ARB2A: variants seen among roughly 807,000 people sequenced by gnomAD.
ARB2A encodes cotranscriptional regulator ARB2A.
the ARB2A span, among the ~76,000 whole-genome samples, chr5:93,844,274 T>C: frequency 6.6e-6 from 1 of 152,028 alleles, no homozygotes; most frequent in African/African-American, 2.4e-5. Context: ...TGAGATTTCA[T>C]CTGTACTAAC....
chr5:93,728,052 C>T, the ARB2A span, among the ~76,000 whole-genome samples: 4 of 151,968 alleles, frequency 2.6e-5, no homozygotes, highest in South Asian at 2.1e-4. Flanking sequence ...GAAGCAACAG[C>T]GGACTTAATA....
the ARB2A span, among the ~76,000 whole-genome samples, chr5:93,757,584 TCAAA>T: frequency 1.3e-5 from 2 of 152,182 alleles, no homozygotes; most frequent in Non-Finnish European, 2.9e-5. Context: ...TTCAGTCTCC[TCAAA>T]CAAAACAATT....
chr5:93,870,084 A>G, the ARB2A span, among the ~76,000 whole-genome samples: 1 of 152,264 alleles, frequency 6.6e-6, no homozygotes, highest in African/African-American at 2.4e-5. Flanking sequence ...TGTAGTTGCT[A>G]AAGCCTAAAA....
At chr5:93,926,467 C>A in the ARB2A span, among the ~76,000 whole-genome samples, 3 of 151,934 alleles carry the variant, frequency 2.0e-5, no homozygotes, top group Admixed American at 2.0e-4. Flanking sequence ...TTTTAATATG[C>A]CTTATACACT....
the ARB2A span, among the ~76,000 whole-genome samples, chr5:93,762,510 A>G: frequency 6.6e-6 from 1 of 152,220 alleles, no homozygotes; most frequent in African/African-American, 2.4e-5. Context: ...ACAAAAGAGT[A>G]AAAAGAAATG....
chr5:93,857,462 T>C, the ARB2A span, among the ~76,000 whole-genome samples: 107 of 152,260 alleles, frequency 7.0e-4, no homozygotes, highest in African/African-American at 2.5e-3. Flanking sequence ...CCGACTGTTT[T>C]GTTTACCTAA....
the ARB2A span, among the ~76,000 whole-genome samples, chr5:93,714,651 A>G: frequency 6.6e-6 from 1 of 152,218 alleles, no homozygotes; most frequent in Admixed American, 6.5e-5. Context: ...GGAGTGCATT[A>G]AGATTCTACC....
At chr5:93,843,198 T>C in the ARB2A span, among the ~76,000 whole-genome samples, 17 of 152,278 alleles carry the variant, frequency 1.1e-4, no homozygotes, top group African/African-American at 3.9e-4. Context: ...CCCAGATGCT[T>C]AGAGATTCCA....
chr5:93,827,356 G>A, the ARB2A span, among the ~76,000 whole-genome samples: 1 of 152,174 alleles, frequency 6.6e-6, no homozygotes, highest in East Asian at 1.9e-4. Context: ...GTGATGATGA[G>A]CATTTTTTCA....
the ARB2A span, among the ~76,000 whole-genome samples, chr5:93,960,512 T>A: frequency 6.6e-6 from 1 of 152,308 alleles, no homozygotes; most frequent in African/African-American, 2.4e-5. Context: ...CACAGAGTTC[T>A]CTCGTTTGTA....
the ARB2A span, among the ~76,000 whole-genome samples, chr5:94,051,316 C>A: frequency 6.6e-6 from 1 of 152,294 alleles, no homozygotes; most frequent in South Asian, 2.1e-4. Context: ...TGAAAACTAT[C>A]TGTGGGCTAG....
chr5:93,840,859 C>G, the ARB2A span, among the ~76,000 whole-genome samples: 1 of 152,158 alleles, frequency 6.6e-6, no homozygotes, highest in African/African-American at 2.4e-5. Flanking sequence ...GCTATACTAA[C>G]TATCCCTTTA....
chr5:93,717,089 C>CT, the ARB2A span, among the ~76,000 whole-genome samples: 2 of 151,984 alleles, frequency 1.3e-5, no homozygotes, highest in East Asian at 1.9e-4. Flanking sequence ...GTTTTGGAGA[C>CT]TTTTTTTCTA....
At chr5:93,632,944 G>A in the ARB2A span, among the ~76,000 whole-genome samples, 4 of 152,186 alleles carry the variant, frequency 2.6e-5, no homozygotes, top group Non-Finnish European at 5.9e-5. Flanking sequence ...CCTTAGGACC[G>A]TTGTGTGTGG....
chr5:93,639,564 T>C, the ARB2A span, among the ~76,000 whole-genome samples: 4 of 152,138 alleles, frequency 2.6e-5, no homozygotes, highest in Non-Finnish European at 4.4e-5. Flanking sequence ...GAAAAATGCA[T>C]TGATTTAAAA....
chr5:93,705,643 GTGTGTGTGTA>G, the ARB2A span, among the ~76,000 whole-genome samples: 4 of 146,250 alleles, frequency 2.7e-5, no homozygotes, highest in Admixed American at 6.8e-5. Flanking sequence ...GTGTGTGTGT[GTGTGTGTGTA>G]TATATATATA....
At chr5:93,645,944 A>ATACTAAAT in the ARB2A span, among the ~76,000 whole-genome samples, 1 of 152,216 alleles carries the variant, frequency 6.6e-6, no homozygotes, top group Admixed American at 6.5e-5. Context: ...TTTCATTAAA[A>ATACTAAAT]GTCAGTTTTA....
chr5:93,643,202 T>A, the ARB2A span, among the ~76,000 whole-genome samples: 18 of 152,350 alleles, frequency 1.2e-4, no homozygotes, highest in South Asian at 2.9e-3. Flanking sequence ...TTTCTGCTAT[T>A]TCCGGATACA....
chr5:93,950,899 A>T, the ARB2A span, among the ~76,000 whole-genome samples: 3 of 150,338 alleles, frequency 2.0e-5, no homozygotes, highest in African/African-American at 7.3e-5. Context: ...AGATTAAATC[A>T]TTCCACAGCA....
Sources: gnomAD v4.1 joint callset for allele counts (sites outside exome capture counted in the v4.1 genomes callset) on GRCh38, gnomAD v4.1.1 for gene constraint, MANE v1.5 for transcripts, NCBI Gene and HGNC (gene_info 2026-07-23, HGNC 2026-07-21) for gene names.